PRIMA1: variants seen among roughly 807,000 people sequenced by gnomAD.
PRIMA1 encodes the protein proline-rich membrane anchor 1.
In PRIMA1, 7 loss-of-function variants were observed where a neutral mutation model predicts 17.5. The ratio of observed to expected loss-of-function variants is 0.40; its 90% CI spans 0.23 to 0.75. PRIMA1 has a LOEUF of 0.75. Among genes scored for constraint, PRIMA1 ranks in the 30% least tolerant of loss-of-function variants. PRIMA1 has a pLI of 0.37. For missense variants in PRIMA1, 200 were observed against 201.8 expected (o/e 0.99, Z 0.05); for synonymous variants, 97 against 77.9 (o/e 1.25, Z -1.29).
In PRIMA1 at chr14:93,753,066, G is replaced by A. The variant is rs114280392; in HGVS notation, c.230-15696C>T. Among the ~76,000 whole-genome samples, 927 of 152,354 alleles carry A rather than the reference G, an allele frequency of 6.1e-3. 6 individuals carry two copies. The highest frequency in any genetic ancestry group is 0.021 in the African/African-American group (888 of 41,588). On this transcript the variant is annotated intron_variant, in intron 3 of 4. Transcript: ENST00000393140. ...GGGAAACTAAGAGAGCCACAGGGCTGGAAGATGGCCAGGGCTCTTTCCTGG... is the reference window on the plus strand; with the variant it reads ...GGGAAACTAAGAGAGCCACAGGGCTAGAAGATGGCCAGGGCTCTTTCCTGG...
intron 3 of PRIMA1, among the ~76,000 whole-genome samples, chr14:93,777,558 G>C (rs1016904275): frequency 6.6e-6 from 1 of 151,982 alleles, no homozygotes; most frequent in African/African-American, 2.4e-5. Context: ...GGCTGGTCTC[G>C]AACTCCTGAC....
intron 3 of PRIMA1, among the ~76,000 whole-genome samples, chr14:93,764,578 C>A (rs1884834564): frequency 6.6e-6 from 1 of 152,172 alleles, no homozygotes; most frequent in Non-Finnish European, 1.5e-5. Flanking sequence ...TAGTGCTTGG[C>A]ACACTCGGTG....
chr14:93,785,258 A>G (rs912293886), intron 2 of PRIMA1, among the ~76,000 whole-genome samples: 3 of 152,006 alleles, frequency 2.0e-5, no homozygotes, highest in African/African-American at 2.4e-5. Context: ...AAAGCTCAAA[A>G]TCTCAATTCC....
chr14:93,750,680 C>T (rs2076254287), intron 3 of PRIMA1, among the ~76,000 whole-genome samples: 1 of 152,128 alleles, frequency 6.6e-6, no homozygotes, highest in African/African-American at 2.4e-5. Context: ...TTTTTTTACC[C>T]CTAATTTAGA....
chr14:93,724,523 G>T (rs1040980548), intron 4 of PRIMA1, among the ~76,000 whole-genome samples: 1 of 152,286 alleles, frequency 6.6e-6, no homozygotes, highest in Middle Eastern at 3.4e-3. Context: ...GCCTTAAGCA[G>T]CTCTGATGTT....
Position 93,742,967 on chromosome 14 carries a change from C to T in PRIMA1, c.230-5597G>A, listed in dbSNP as rs540964875. 3.3e-4 allele frequency among the ~76,000 whole-genome samples: 50 copies of T among 152,312 alleles called. 1 individual carries two copies. The highest frequency in any genetic ancestry group is 1.1e-3 in the African/African-American group (47 of 41,574). On this transcript the variant is annotated intron_variant, in intron 3 of 4. Transcript: ENST00000393140. ...AGCCAGCTGTTGGAGAGAAGCTGCA[C>T]ACAGGAGGTGCTGGACTGACAGGAG...
chr14:93,742,296 T>C (rs1006934783), intron 3 of PRIMA1, among the ~76,000 whole-genome samples: 2 of 152,134 alleles, frequency 1.3e-5, no homozygotes, highest in African/African-American at 2.4e-5. Flanking sequence ...GAAGAGAGAA[T>C]CCGCAGGGCC....
chr14:93,756,240 CT>C (rs372191387), intron 3 of PRIMA1, among the ~76,000 whole-genome samples: 10 of 152,250 alleles, frequency 6.6e-5, no homozygotes, highest in African/African-American at 2.2e-4. Context: ...AATACCATTT[CT>C]TTTCTTTTTT....
In PRIMA1 at chr14:93,787,659, G is replaced by A. The variant is rs1269934966; in HGVS notation, c.60C>T (p.His20=). Residue 20 remains histidine (H), a synonymous_variant, in exon 2 of 5, where the codon CAC becomes CAT. Transcript: ENST00000393140. ...AGCCCCAGAGCGGGTGGAGCGCGCAGTGCAGCAGCAGCGAGGACCAGCAGC... is the reference window on the plus strand; with the variant it reads ...AGCCCCAGAGCGGGTGGAGCGCGCAATGCAGCAGCAGCGAGGACCAGCAGC... ...RGCCWSSLLL[H]CALHPLWGFV... The A allele has an allele frequency of 1.9e-6, 3 of 1,543,462 alleles. No individual in the cohort carries two copies. Among genetic ancestry groups the A allele is most frequent in the Non-Finnish European group, 2.6e-6 (3 of 1,146,836 alleles).
At chr14:93,753,758 T>A (rs1032132879) in intron 3 of PRIMA1, among the ~76,000 whole-genome samples, 48 of 152,154 alleles carry the variant, frequency 3.2e-4, no homozygotes, top group Non-Finnish European at 6.5e-4. Context: ...ACTCCTTTGA[T>A]AATGGAAGGA....
intron 2 of PRIMA1, among the ~76,000 whole-genome samples, chr14:93,786,914 G>A (rs1271102270): frequency 6.6e-6 from 1 of 152,244 alleles, no homozygotes; most frequent in Admixed American, 6.5e-5. Flanking sequence ...TAAGTGGGTT[G>A]CCTAAAGCCT....
chr14:93,748,830 T>TA (rs2076243167), intron 3 of PRIMA1, among the ~76,000 whole-genome samples: 1 of 152,014 alleles, frequency 6.6e-6, no homozygotes, highest in Admixed American at 6.6e-5. Flanking sequence ...ACATTATTAA[T>TA]AATTGTCTCC....
At position 93,737,549 on chromosome 14, in the gene PRIMA1, C is replaced by T. The variant is rs535253439; in HGVS notation, c.230-179G>A. Among the ~76,000 whole-genome samples, 26 of 149,070 alleles carry T rather than the reference C, an allele frequency of 1.7e-4. 1 individual carries two copies. Among genetic ancestry groups the T allele is most frequent in the African/African-American group, 6.6e-4 (26 of 39,266 alleles). ...CTGGTGGGACCATTATGGGTGACAC[C>T]AACAGAGGCATGGGGAGGTCACTGG... is the stretch of plus-strand genomic sequence containing the variant. On this transcript the variant is annotated intron_variant, in intron 3 of 4. Transcript: ENST00000393140.
At chr14:93,759,836 G>A (rs952072219) in intron 3 of PRIMA1, among the ~76,000 whole-genome samples, 1 of 152,218 alleles carries the variant, frequency 6.6e-6, no homozygotes, top group African/African-American at 2.4e-5. Context: ...CTTCTAGGAA[G>A]GACGTGGTGT....
At chr14:93,742,437 TATAATG>T (rs1240446714) in intron 3 of PRIMA1, among the ~76,000 whole-genome samples, 2 of 152,130 alleles carry the variant, frequency 1.3e-5, no homozygotes, top group Non-Finnish European at 2.9e-5. Context: ...CCAATAAATA[TATAATG>T]GCACATCGTG....
rs2076155309 is a variant in PRIMA1 at position 93,737,247 on chromosome 14, A to G, written c.353T>C (p.Ile118Thr). The change falls in exon 4 of 5, where the codon ATA becomes ACA. Residue 118 changes from isoleucine (I) to threonine (T), a missense_variant. Coordinates refer to ENST00000393140, the MANE Select transcript of PRIMA1 (RefSeq NM_178013.4). Reference protein sequence around the residue: ...TVLVIICYKAIKRKPLRKDEN... With the variant: ...TVLVIICYKATKRKPLRKDEN... ...GCAGTGAGTGAGCACTCACCTTTTT[A>G]TGGCTTTGTAGCAAATGATGACAAG... 1 of 1,614,100 alleles carries G rather than the reference A, an allele frequency of 6.2e-7. No homozygotes were observed. The highest frequency in any genetic ancestry group is 1.3e-5 in the African/African-American group (1 of 75,054).
Position 93,721,605 on chromosome 14 carries a change from G to A in PRIMA1, c.360-59C>T, listed in dbSNP as rs559131018. ...GGAGGGGGAGGCAGGGACACCATTA[G>A]TTATCACTGATGGTGGGGTGTAACC... On this transcript the variant is annotated intron_variant, in intron 4 of 4. Coordinates refer to ENST00000393140, the MANE Select transcript of PRIMA1 (RefSeq NM_178013.4). The A allele has an allele frequency of 6.3e-5, 64 of 1,015,148 alleles. 2 individuals carry two copies. In the South Asian group the frequency reaches 8.1e-4, roughly 13 times the overall value. 62.9% of individuals were successfully genotyped at this position (1,015,148 alleles called of 1,614,324 possible).
intron 2 of PRIMA1, among the ~76,000 whole-genome samples, chr14:93,783,323 G>A (rs78050821): frequency 0.049 from 7,476 of 152,268 alleles, 337 homozygotes; most frequent in Admixed American, 0.14. Context: ...AAGGCTCAGC[G>A]AAGCTAAATG....
chr14:93,764,043 C>T (rs1455830904), intron 3 of PRIMA1, among the ~76,000 whole-genome samples: 1 of 152,008 alleles, frequency 6.6e-6, no homozygotes, highest in Non-Finnish European at 1.5e-5. Flanking sequence ...CAGTCCTCCT[C>T]CCTCATACCA....
Sources: gnomAD v4.1 joint callset for allele counts (sites outside exome capture counted in the v4.1 genomes callset) on GRCh38, gnomAD v4.1.1 for gene constraint, MANE v1.5 for transcripts, NCBI Gene and HGNC (gene_info 2026-07-23, HGNC 2026-07-21) for gene names.